The following CDK10 variants were observed in gnomAD, a reference collection of about 807,000 sequenced individuals.
CDK10 encodes the protein cyclin-dependent kinase 10.
CDK10 carries 55 observed loss-of-function variants against 51.0 expected under a neutral mutation model. That is an observed-to-expected ratio of 1.08 (90% CI 0.87 to 1.35). The LOEUF is 1.35. Among genes scored for constraint, CDK10 ranks in the 40% most tolerant of loss-of-function variants. The pLI, the probability that CDK10 is intolerant of heterozygous loss-of-function variation, is 0.00. For synonymous variants in CDK10, 255 were observed against 199.1 expected (o/e 1.28, Z -2.36); for missense variants, 589 against 485.1 (o/e 1.21, Z -2.01).
chr16:89,693,874 G>A (rs1286611280), intron 8 of CDK10: 2 of 569,490 alleles, frequency 3.5e-6, no homozygotes, highest in Non-Finnish European at 6.3e-6. Context: ...TCAGAATCAG[G>A]TCAGGACCCC....
chr16:89,686,883 C>T, intron 1 of CDK10, 86 bp downstream of exon 1: 6 of 1,156,044 alleles, frequency 5.2e-6, no homozygotes, highest in South Asian at 1.4e-5. Context: ...GTCGCGCTGC[C>T]GCGCCGAGGC....
chr16:89,693,946 G>T, intron 8 of CDK10: 1 of 604,452 alleles, frequency 1.7e-6, no homozygotes. Context: ...GTGTGCCGAG[G>T]GTCCGTGGTC....
At chr16:89,692,095 T>G (rs1250770682) in intron 5 of CDK10, 3 of 601,480 alleles carry the variant, frequency 5.0e-6, no homozygotes, top group African/African-American at 1.9e-5. Flanking sequence ...GAGAGCCTTA[T>G]GAGGGCACTG....
At chr16:89,695,383 T>C in intron 12 of CDK10, 38 bp downstream of exon 12, 1 of 1,598,174 alleles carries the variant, frequency 6.3e-7, no homozygotes, top group Non-Finnish European at 8.6e-7. Context: ...CTGTGGGGTA[T>C]GGCTGGGAGC....
chr16:89,693,963 ACT>A, intron 8 of CDK10: 1 of 613,868 alleles, frequency 1.6e-6, no homozygotes, highest in Non-Finnish European at 2.9e-6. Context: ...GGTCCCTGCG[ACT>A]CTCAGGACAC....
intron 1 of CDK10, among the ~76,000 whole-genome samples, chr16:89,688,156 A>T (rs1288962722): frequency 7.4e-6 from 1 of 135,228 alleles, no homozygotes; most frequent in Non-Finnish European, 1.5e-5. Context: ...GTCTCGGCTC[A>T]CTGCAAGCTC....
intron 6 of CDK10, 40 bp from the exon 7 acceptor site, chr16:89,693,234 G>C (rs1198388692): frequency 6.2e-7 from 1 of 1,605,160 alleles, no homozygotes; most frequent in Admixed American, 1.7e-5. Context: ...CAGCCCCTGT[G>C]GCCCTCTGGG....
chr16:89,686,963 C>A, intron 1 of CDK10, 166 bp downstream of exon 1: 1 of 578,702 alleles, frequency 1.7e-6, no homozygotes, highest in Non-Finnish European at 2.9e-6. Flanking sequence ...GCGGGGCGGG[C>A]TCAGGACCCC....
chr16:89,694,013 C>A, intron 8 of CDK10, 160 bp from the exon 9 acceptor site: 1 of 702,188 alleles, frequency 1.4e-6, no homozygotes, highest in Non-Finnish European at 2.5e-6. Flanking sequence ...GCAACCATTG[C>A]TGTGTGTGCC....
intron 1 of CDK10, among the ~76,000 whole-genome samples, chr16:89,688,621 C>T (rs932030942): frequency 3.3e-5 from 5 of 152,170 alleles, no homozygotes; most frequent in African/African-American, 1.2e-4. Context: ...GCTCACATTC[C>T]AAGGCCAGAT....
intron 1 of CDK10, chr16:89,687,452 G>A (rs902474378): frequency 4.4e-6 from 2 of 455,916 alleles, no homozygotes; most frequent in Admixed American, 4.7e-5. Context: ...TTAACAGATC[G>A]TGGCTGGATG....
chr16:89,689,398 C>T lies in CDK10; in HGVS notation c.160+74C>T, dbSNP rs1036022005. On this transcript the variant is annotated intron_variant, in intron 2 of 12. Transcript: ENST00000353379. Reference sequence around the variant, plus strand: ...GTGTGGGACGAGACTGTCGAAGCAGCAGCCGCGTTGGGGCTGGAAGGGACT... The same window carrying T: ...GTGTGGGACGAGACTGTCGAAGCAGTAGCCGCGTTGGGGCTGGAAGGGACT... 10 of 1,353,436 alleles carry T rather than the reference C, an allele frequency of 7.4e-6. No homozygotes were observed. The African/African-American group carries it at 1.4e-4, about 19-fold the overall frequency. 83.8% of individuals were successfully genotyped at this position (1,353,436 alleles called of 1,614,324 possible).
chr16:89,689,259 G>C lies in CDK10; in HGVS notation c.95G>C (p.Arg32Pro). The change falls in exon 2 of 13, where the codon CGA becomes CCA. Residue 32 changes from arginine to proline, a missense_variant. Physicochemically the swap from Arg to Pro is moderately radical, Grantham distance 103. Coordinates refer to ENST00000353379, the MANE Select transcript of CDK10 (RefSeq NM_052988.5). ...AACACCCTTCTGTTTCAGCTGGGAC[G>C]ATGCCGGAGTGTGAAGGAGTTTGAG... ...FTVPPEHRLG[R>P]CRSVKEFEKL... 1 of 1,614,094 alleles carries C rather than the reference G, an allele frequency of 6.2e-7. No homozygotes were observed. Among genetic ancestry groups the C allele is most frequent in the Non-Finnish European group, 8.5e-7 (1 of 1,179,980 alleles).
intron 1 of CDK10, chr16:89,687,874 A>G (rs1373013768): frequency 6.0e-6 from 2 of 333,966 alleles, no homozygotes; most frequent in Non-Finnish European, 1.2e-5. Flanking sequence ...AGTGAGTGAC[A>G]GGCCAGATGC....
At chr16:89,689,217 C>G (rs1243172493) in intron 1 of CDK10, 35 bp from the exon 2 acceptor site, 1 of 1,607,194 alleles carries the variant, frequency 6.2e-7, no homozygotes, top group Non-Finnish European at 8.5e-7. Context: ...CATCAGCTGC[C>G]AAATTTCCAC....
At chr16:89,695,220 C>G in intron 11 of CDK10, 73 bp from the exon 12 acceptor site, 2 of 1,547,418 alleles carry the variant, frequency 1.3e-6, no homozygotes, top group Admixed American at 1.8e-5. Flanking sequence ...ATTTGAATCA[C>G]AGGCTGCTCA....
At chr16:89,687,714 C>T (rs2060261881) in intron 1 of CDK10, 1 of 404,820 alleles carries the variant, frequency 2.5e-6, no homozygotes, top group African/African-American at 2.1e-5. Flanking sequence ...AGGCGTGAGC[C>T]ACCGCCCCCA....
rs987278514 is a variant in CDK10 at position 89,694,183 on chromosome 16, C to G, written c.619C>G (p.Pro207Ala). The G allele has an allele frequency of 1.9e-6, 3 of 1,613,878 alleles. No homozygotes were observed. The African/African-American group carries it at 4.0e-5, about 22-fold the overall frequency. ...PKVVTLWYRA[P>A]ELLLGTTTQT... The stretch of plus-strand genomic sequence containing the variant: ...TGCTTCTGTGTGTAGGTACCGAGCC[C>G]CTGAACTGCTGTTGGGAACCACCAC... Residue 207 changes from proline to alanine, a missense_variant, in exon 9 of 13, where the codon CCT becomes GCT. Pro to Ala is a conservative substitution (Grantham distance 27, BLOSUM62 -1). Coordinates refer to ENST00000353379, the MANE Select transcript of CDK10 (RefSeq NM_052988.5).
Position 89,692,482 on chromosome 16 carries a change from C to G in CDK10, c.451C>G (p.Leu151Val), listed in dbSNP as rs1323745380. Residue 151 changes from leucine to valine, a missense_variant, in exon 6 of 13, where the codon CTC (leucine) becomes GTC (valine). Leu to Val is a conservative substitution (Grantham distance 32). Coordinates refer to ENST00000353379, the MANE Select transcript of CDK10 (RefSeq NM_052988.5). ...KCIVLQVLRG[L>V]QYLHRNFIIH... ...CATCGTGCTGCAGGTGCTCCGGGGC[C>G]TCCAGTATCTGCACAGGAACTTCAT... The G allele has an allele frequency of 2.5e-6, 4 of 1,597,078 alleles. No homozygotes were observed. In the African/African-American group the frequency reaches 5.4e-5, roughly 22 times the overall value.
Sources: allele counts gnomAD v4.1 joint callset (sites outside exome capture counted in the v4.1 genomes callset), GRCh38; gene constraint gnomAD v4.1.1; transcripts MANE v1.5; gene names NCBI Gene and HGNC (gene_info 2026-07-23, HGNC 2026-07-21).